Variants in EYA1 observed in about 807,000 individuals in gnomAD.
EYA1 encodes protein phosphatase EYA1.
A neutral mutation model predicts 82.0 loss-of-function variants in EYA1; 16 were observed. That is an observed-to-expected ratio of 0.20 (90% CI 0.13 to 0.30). The LOEUF (loss-of-function observed/expected upper bound fraction) is 0.30. EYA1 is among the 10% of genes least tolerant of loss of function. The pLI, the probability that EYA1 is intolerant of heterozygous loss-of-function variation, is 1.00. For synonymous variants in EYA1, 261 were observed against 264.4 expected (o/e 0.99, Z 0.12); for missense variants, 633 against 730.7 (o/e 0.87, Z 1.54).
chr8:71,478,802 G>A (rs937267179), intron 2 of EYA1, among the ~76,000 whole-genome samples: 2 of 152,092 alleles, frequency 1.3e-5, no homozygotes, highest in African/African-American at 2.4e-5. Context: ...GAAGAAACAC[G>A]AGAGTCCCAC....
intron 9 of EYA1, among the ~76,000 whole-genome samples, chr8:71,287,035 C>T (rs903484345): frequency 2.0e-5 from 3 of 151,764 alleles, no homozygotes; most frequent in African/African-American, 2.4e-5. Context: ...CTCCTGACTT[C>T]GTGATCCACC....
chr8:71,490,785 G>A (rs1242368312), intron 2 of EYA1, among the ~76,000 whole-genome samples: 1 of 152,174 alleles, frequency 6.6e-6, no homozygotes, highest in East Asian at 1.9e-4. Context: ...ACAACTTGAA[G>A]AGCTGTTTAG....
chr8:71,372,815 A>C (rs1312935886), intron 2 of EYA1, among the ~76,000 whole-genome samples: 2 of 152,144 alleles, frequency 1.3e-5, no homozygotes, highest in African/African-American at 2.4e-5. Flanking sequence ...TCTAGGATTC[A>C]AGGTTGGTTT....
intron 17 of EYA1, among the ~76,000 whole-genome samples, chr8:71,205,003 A>G (rs1325584562): frequency 6.6e-6 from 1 of 152,188 alleles, no homozygotes; most frequent in Non-Finnish European, 1.5e-5. Context: ...TTGATGTCCC[A>G]CTTAAACTAA....
intron 2 of EYA1, among the ~76,000 whole-genome samples, chr8:71,512,481 GA>G (rs1332441887): frequency 4.6e-5 from 7 of 150,798 alleles, no homozygotes; most frequent in Non-Finnish European, 8.9e-5. Flanking sequence ...AGAAACAGGA[GA>G]AAAAAACTAA....
chr8:71,468,803 A>T (rs551748694), intron 2 of EYA1, among the ~76,000 whole-genome samples: 1 of 152,250 alleles, frequency 6.6e-6, no homozygotes, highest in South Asian at 2.1e-4. Flanking sequence ...GAGCTCCTAC[A>T]GCATTGAGTC....
chr8:71,378,600 T>C (rs1828512975), intron 2 of EYA1, among the ~76,000 whole-genome samples: 1 of 152,150 alleles, frequency 6.6e-6, no homozygotes, highest in African/African-American at 2.4e-5. Context: ...TATATATGGG[T>C]TATACTTCAC....
At chr8:71,491,788 A>G (rs1811013582) in intron 2 of EYA1, among the ~76,000 whole-genome samples, 1 of 152,190 alleles carries the variant, frequency 6.6e-6, no homozygotes, top group Non-Finnish European at 1.5e-5. Flanking sequence ...TCCCAAGTTC[A>G]GTTATGCGGT....
intron 2 of EYA1, among the ~76,000 whole-genome samples, chr8:71,501,837 CT>C (rs1166848558): frequency 1.3e-5 from 2 of 152,218 alleles, no homozygotes; most frequent in African/African-American, 2.4e-5. Context: ...TAAAGACACA[CT>C]TCGTATAATT....
chr8:71,498,579 A>G (rs77420702), intron 2 of EYA1, among the ~76,000 whole-genome samples: 2 of 152,128 alleles, frequency 1.3e-5, no homozygotes, highest in Non-Finnish European at 2.9e-5. Context: ...TATTCCATCT[A>G]CAAGACCACA....
rs1165189757 is a variant in EYA1, at chr8:71,331,486, G to GTT, written c.202+2609_202+2610dup. On this transcript the variant is annotated intron_variant, in intron 4 of 17. Coordinates refer to ENST00000340726, the MANE Select transcript of EYA1 (RefSeq NM_000503.6). Reference sequence around the variant, plus strand: ...AGTATTACTTTTTAAAAGTATAAATGTTTTATATATATATATACACATATA... The same window carrying GTT: ...AGTATTACTTTTTAAAAGTATAAATGTTTTTTATATATATATATACACATATA... 1.1e-4 allele frequency among the ~76,000 whole-genome samples: 4 copies of GTT among 36,978 alleles called. No individual in the cohort carries two copies. In the East Asian group the frequency reaches 6.8e-3, roughly 62 times the overall value. The allele number at this position is 36,978 out of a possible 152,430, so 24.3% of individuals were successfully genotyped here.
At chr8:71,355,699 T>G (rs1271376917) in intron 2 of EYA1, among the ~76,000 whole-genome samples, 1 of 152,226 alleles carries the variant, frequency 6.6e-6, no homozygotes, top group Admixed American at 6.5e-5. Context: ...TCTACTTTAG[T>G]GCTATAATTT....
intron 9 of EYA1, among the ~76,000 whole-genome samples, chr8:71,288,762 C>G (rs1818673898): frequency 6.6e-6 from 1 of 152,082 alleles, no homozygotes. Context: ...ATCAATAATC[C>G]AGGTGAAATA....
intron 11 of EYA1, among the ~76,000 whole-genome samples, chr8:71,245,935 G>A (rs1813037645): frequency 6.6e-6 from 1 of 152,184 alleles, no homozygotes; most frequent in South Asian, 2.1e-4. Flanking sequence ...GACATTAGCA[G>A]TGAGTAGTCA....
In EYA1 at chr8:71,454,956, A is replaced by T. The variant is rs187753935; in HGVS notation, c.33+80788T>A. Among the ~76,000 whole-genome samples, 25 of 151,148 alleles carry T rather than the reference A, an allele frequency of 1.7e-4. No homozygotes were observed. The East Asian group carries it at 3.5e-3, about 21-fold the overall frequency. ...GAACGAGATAGAGACACAAAAAATC[A>T]GTGAATCCAGGAGCTGGTTTTTTGA... On this transcript the variant is annotated intron_variant, in intron 2 of 18. Transcript: ENST00000643681.
At chr8:71,500,929 T>C (rs1811767028) in intron 2 of EYA1, among the ~76,000 whole-genome samples, 2 of 152,210 alleles carry the variant, frequency 1.3e-5, no homozygotes, top group Non-Finnish European at 1.5e-5. Flanking sequence ...GATAGCTAGA[T>C]GTTTATTGGT....
At chr8:71,257,356 T>C (rs1250960181) in intron 11 of EYA1, among the ~76,000 whole-genome samples, 1 of 152,320 alleles carries the variant, frequency 6.6e-6, no homozygotes, top group African/African-American at 2.4e-5. Context: ...TTTGCAAGTT[T>C]CTATAATGAA....
chr8:71,331,102 G>A (rs931650238), intron 4 of EYA1, among the ~76,000 whole-genome samples: 1 of 151,722 alleles, frequency 6.6e-6, no homozygotes, highest in African/African-American at 2.4e-5. Flanking sequence ...GGTGGCACGT[G>A]CCTGTAGTCC....
chr8:71,547,141 G>C (rs1815687373), intron 1 of EYA1, among the ~76,000 whole-genome samples: 1 of 151,724 alleles, frequency 6.6e-6, no homozygotes, highest in African/African-American at 2.4e-5. Context: ...CTTTTAACTC[G>C]CCTCTTTGAC....
Sources: allele counts gnomAD v4.1 joint callset (sites outside exome capture counted in the v4.1 genomes callset), GRCh38; gene constraint gnomAD v4.1.1; transcripts MANE v1.5; gene names NCBI Gene and HGNC (gene_info 2026-07-23, HGNC 2026-07-21).